The following DHX29 variants were observed in gnomAD, a reference collection of about 807,000 sequenced individuals.
The protein encoded by DHX29 is DExH-box helicase 29, also known as ATP-dependent RNA helicase DHX29.
A neutral mutation model predicts 167.9 loss-of-function variants in DHX29; 79 were observed. The observed-to-expected ratio is 0.47, with a 90% CI of 0.39 to 0.57. The LOEUF is 0.57. Among genes scored for constraint, DHX29 ranks in the 20% least tolerant of loss-of-function variants. The pLI, the probability that DHX29 is intolerant of heterozygous loss-of-function variation, is 0.00. For missense variants in DHX29, 1,347 were observed against 1,593.4 expected (o/e 0.85, Z 2.63); for synonymous variants, 530 against 546.0 (o/e 0.97, Z 0.41).
intron 10 of DHX29, among the ~76,000 whole-genome samples, chr5:55,284,998 C>T (rs984844291): frequency 8.5e-5 from 13 of 152,168 alleles, no homozygotes; most frequent in African/African-American, 3.1e-4. Context: ...CCAGCCTGGG[C>T]AACATAACAA....
rs760608852 is a variant in DHX29, at chr5:55,283,303, T to C, written c.1865A>G (p.Lys622Arg). 6.2e-7 allele frequency: 1 copy of C among 1,614,032 alleles called. No homozygotes were observed. The highest frequency in any genetic ancestry group is 1.3e-5 in the African/African-American group (1 of 74,932). ...DLLLNEWEASKCNIVCTQPRR... is the reference protein window; with the variant it reads ...DLLLNEWEASRCNIVCTQPRR... ...GGGTTGGGTACAGACAATGTTACAT[T>C]TACTTGCTTCCCACTCATTTAGAAG... Residue 622 changes from lysine to arginine, a missense_variant, in exon 11 of 27, where the codon AAA (lysine) becomes AGA (arginine). Physicochemically the swap from Lys to Arg is conservative, Grantham distance 26. This residue lies in a region of DHX29 where 882 missense variants were observed against 1,082.4 expected (regional missense o/e 0.81). Transcript: ENST00000251636.
At chr5:55,271,746 CAT>C (rs1239094495) in intron 18 of DHX29, among the ~76,000 whole-genome samples, 2 of 152,180 alleles carry the variant, frequency 1.3e-5, no homozygotes, top group Non-Finnish European at 2.9e-5. Flanking sequence ...CTCCAAAAGC[CAT>C]GTTTCTTTTT....
chr5:55,293,955 A>G (rs1748174200), intron 6 of DHX29, 62 bp downstream of exon 6: 1 of 1,541,160 alleles, frequency 6.5e-7, no homozygotes, highest in Admixed American at 2.1e-5. Flanking sequence ...TAAGGCTCAG[A>G]AAAGGAAATA....
Position 55,298,638 on chromosome 5 carries a change from T to G in DHX29, c.214A>C (p.Thr72Pro). The G allele has an allele frequency of 6.5e-7, 1 of 1,544,380 alleles. No homozygotes were observed. Among genetic ancestry groups the G allele is most frequent in the Non-Finnish European group, 8.9e-7 (1 of 1,118,100 alleles). The part of the protein sequence containing the change: ...QGPKIYSFNS[T>P]NDSSGPANLD... ...TTTGCAGGACCACTAGAATCATTTGTAGAATTAAAACTATAAATTTTTGGA... is the reference window on the plus strand; with the variant it reads ...TTTGCAGGACCACTAGAATCATTTGGAGAATTAAAACTATAAATTTTTGGA... Residue 72 changes from threonine to proline, a missense_variant, in exon 2 of 27, where the codon ACA becomes CCA. Around this residue, in one of 3 missense-constraint regions of DHX29, gnomAD observed 405 missense variants for 416.8 expected, o/e 0.97. Transcript: ENST00000251636.
At chr5:55,280,680 G>A (rs1202895705) in intron 12 of DHX29, among the ~76,000 whole-genome samples, 1 of 152,018 alleles carries the variant, frequency 6.6e-6, no homozygotes, top group Non-Finnish European at 1.5e-5. Context: ...ATTAATCAAG[G>A]AAGAAAAACA....
In DHX29 at chr5:55,256,343, G is replaced by T; in HGVS notation, c.*145C>A. Reference sequence around the variant, plus strand: ...AGAAAATTATACATGTTTAAAGTATGTGCTTTTTTCCCACCACCTTTAAGT... The same window carrying T: ...AGAAAATTATACATGTTTAAAGTATTTGCTTTTTTCCCACCACCTTTAAGT... On this transcript the variant is annotated 3_prime_UTR_variant, in exon 27 of 27. Coordinates refer to ENST00000251636, the MANE Select transcript of DHX29 (RefSeq NM_019030.4). The T allele has an allele frequency of 1.8e-6, 1 of 563,866 alleles. No homozygotes were observed. Among genetic ancestry groups the T allele is most frequent in the Non-Finnish European group, 2.9e-6 (1 of 340,834 alleles). The allele number at this position is 563,866 out of a possible 1,614,324, so 34.9% of individuals were successfully genotyped here.
At chr5:55,261,586 A>T in intron 24 of DHX29, 87 bp from the exon 25 acceptor site, 1 of 835,986 alleles carries the variant, frequency 1.2e-6, no homozygotes. Flanking sequence ...ATTTTTCTAC[A>T]ATTTGTTATT....
Position 55,267,835 on chromosome 5 carries a change from C to G in DHX29, c.3295-13G>C. 1 of 1,578,066 alleles carries G rather than the reference C, an allele frequency of 6.3e-7. No homozygotes were observed. Among genetic ancestry groups the G allele is most frequent in the Non-Finnish European group, 8.6e-7 (1 of 1,161,422 alleles). Reference sequence around the variant, plus strand: ...CAGCTAGTGTTGCCTATCCATAAATCATAAATGACAAAACAATTTATCATT... The same window carrying G: ...CAGCTAGTGTTGCCTATCCATAAATGATAAATGACAAAACAATTTATCATT... On this transcript the variant is annotated splice_polypyrimidine_tract_variant and intron_variant, in intron 21 of 26. Coordinates refer to ENST00000251636, the MANE Select transcript of DHX29 (RefSeq NM_019030.4).
At chr5:55,301,991 G>C (rs557386309) in intron 1 of DHX29, among the ~76,000 whole-genome samples, 4 of 152,252 alleles carry the variant, frequency 2.6e-5, no homozygotes, top group African/African-American at 9.6e-5. Context: ...CAGTCTGAAA[G>C]AGAAACATTT....
chr5:55,307,468 C>T lies in DHX29; in HGVS notation c.106G>A (p.Ala36Thr). 1 of 1,613,498 alleles carries T rather than the reference C, an allele frequency of 6.2e-7. No individual in the cohort carries two copies. Among genetic ancestry groups the T allele is most frequent in the South Asian group, 1.1e-5 (1 of 91,082 alleles). The change falls in exon 1 of 27, where the codon GCC becomes ACC. Residue 36 changes from alanine to threonine, a missense_variant. By Grantham distance (58) the Ala-to-Thr change is moderately conservative. Coordinates refer to ENST00000251636, the MANE Select transcript of DHX29 (RefSeq NM_019030.4). Reference protein sequence around the residue: ...KSAEAGIAGEAQSKKPVSRPA... With the variant: ...KSAEAGIAGETQSKKPVSRPA... ...CTGGACACTGGCTTCTTGCTTTGGGCCTCCCCGGCAATTCCAGCCTCGGCA... is the reference window on the plus strand; with the variant it reads ...CTGGACACTGGCTTCTTGCTTTGGGTCTCCCCGGCAATTCCAGCCTCGGCA...
intron 7 of DHX29, 53 bp from the exon 8 acceptor site, chr5:55,289,481 T>C: frequency 1.4e-6 from 2 of 1,384,272 alleles, no homozygotes; most frequent in South Asian, 1.6e-5. Flanking sequence ...AAAATTGTTA[T>C]TTTTTATTTA....
At chr5:55,270,284 G>T in intron 20 of DHX29, 128 bp downstream of exon 20, 1 of 1,008,360 alleles carries the variant, frequency 9.9e-7, no homozygotes, top group Non-Finnish European at 1.4e-6. Context: ...GATGGATAAG[G>T]GCATATATTA....
At chr5:55,290,067 T>C (rs1747960108) in intron 7 of DHX29, 151 bp downstream of exon 7, 2 of 934,026 alleles carry the variant, frequency 2.1e-6, no homozygotes, top group Non-Finnish European at 3.2e-6. Flanking sequence ...GTCCACAGTA[T>C]TTACTACTTA....
chr5:55,274,000 A>C (rs1049586323), intron 16 of DHX29, among the ~76,000 whole-genome samples: 3 of 151,636 alleles, frequency 2.0e-5, no homozygotes, highest in East Asian at 1.9e-4. Flanking sequence ...AGGCAGGAGA[A>C]TCACTTGAAC....
At chr5:55,303,968 A>G (rs1748732550) in intron 1 of DHX29, among the ~76,000 whole-genome samples, 1 of 152,188 alleles carries the variant, frequency 6.6e-6, no homozygotes, top group Admixed American at 6.5e-5. Flanking sequence ...TTAAGCCTCA[A>G]CTAGGTTCAA....
intron 8 of DHX29, among the ~76,000 whole-genome samples, chr5:55,287,951 AAAAG>A (rs988704790): frequency 9.9e-5 from 15 of 151,510 alleles, no homozygotes; most frequent in Admixed American, 6.6e-4. Flanking sequence ...AAAAAAAAAA[AAAAG>A]AAAGAAAGAA....
chr5:55,261,639 TTTC>T lies in DHX29; in HGVS notation c.3829-143_3829-141del. ...AGTATTTGTAAAGCTACATTTTCAT[TTTC>T]TTATGTGCATAATTTATCAATTTTA... On this transcript the variant is annotated intron_variant, in intron 24 of 26. Transcript: ENST00000251636. 11 of 636,392 alleles carry T rather than the reference TTTC, an allele frequency of 1.7e-5. No individual in the cohort carries two copies. The South Asian group carries it at 1.8e-4, about 11-fold the overall frequency. The allele number at this position is 636,392 out of a possible 1,614,324, so 39.4% of individuals were successfully genotyped here. A position where few individuals can be genotyped will look rare whatever the true frequency, so the allele number is the denominator to read the frequency against.
intron 6 of DHX29, among the ~76,000 whole-genome samples, 177 bp from the exon 7 acceptor site, chr5:55,290,521 C>T (rs572373666): frequency 1.3e-5 from 2 of 152,262 alleles, no homozygotes; most frequent in South Asian, 2.1e-4. Context: ...TTTGCAGGTG[C>T]ATAGATGTTT....
At chr5:55,304,417 T>C (rs767817939) in intron 1 of DHX29, among the ~76,000 whole-genome samples, 33 of 150,340 alleles carry the variant, frequency 2.2e-4, no homozygotes, top group Non-Finnish European at 4.9e-4. Flanking sequence ...GTTCACGCCA[T>C]TCTCCTGCCT....
Sources: gnomAD v4.1 joint callset for allele counts (sites outside exome capture counted in the v4.1 genomes callset) on GRCh38, gnomAD v4.1.1 for gene constraint, gnomAD v4.1.1 regional missense constraint, MANE v1.5 for transcripts, NCBI Gene and HGNC (gene_info 2026-07-23, HGNC 2026-07-21) for gene names.